The following EML1 variants were observed in gnomAD, a reference collection of about 807,000 sequenced individuals.
EML1 encodes echinoderm microtubule-associated protein-like 1.
A neutral mutation model predicts 110.4 loss-of-function variants in EML1; 27 were observed. The observed-to-expected ratio is 0.24, with a 90% CI of 0.18 to 0.34. The LOEUF (loss-of-function observed/expected upper bound fraction) is 0.34, where lower values mean the gene tolerates loss of function less well. Ranked by LOEUF, EML1 falls within the 10% of genes least tolerant of loss-of-function variation. The pLI is 1.00. For missense variants in EML1, 741 were observed against 1,030.9 expected (o/e 0.72, Z 3.85); for synonymous variants, 344 against 385.8 (o/e 0.89, Z 1.27).
intron 1 of EML1, among the ~76,000 whole-genome samples, chr14:99,752,371 G>T (rs534117591): frequency 1.5e-4 from 23 of 152,308 alleles, no homozygotes; most frequent in Admixed American, 6.5e-5. Context: ...CAGGGTCGCC[G>T]GGCGGAATGC....
Position 99,781,314 on chromosome 14 carries a change from C to G in EML1, c.-27+7301C>G, listed in dbSNP as rs1441324472. ...TTCCTGGCCAGCTCTAGCCCTAAGG[C>G]CCTGCCCTTGCTCATGGGGTGTGCC... On this transcript the variant is annotated intron_variant, in intron 1 of 22. Coordinates refer to the EML1 transcript ENST00000327921. The surrounding 1 kb of genome is among the most constrained non-coding windows in gnomAD (Gnocchi z 4.2). Among the ~76,000 whole-genome samples, 1 of 152,120 alleles carries G rather than the reference C, an allele frequency of 6.6e-6. No individual in the cohort carries two copies. Among genetic ancestry groups the G allele is most frequent in the Non-Finnish European group, 1.5e-5 (1 of 68,016 alleles).
chr14:99,793,126 A>T (rs1044588068), upstream of EML1, among the ~76,000 whole-genome samples: 3 of 148,434 alleles, frequency 2.0e-5, no homozygotes, highest in African/African-American at 7.3e-5. Flanking sequence ...GGCCAAGGGG[A>T]CAGCGGGCGG....
intron 2 of EML1, among the ~76,000 whole-genome samples, chr14:99,854,774 A>G (rs2058873826): frequency 6.6e-6 from 1 of 152,174 alleles, no homozygotes; most frequent in African/African-American, 2.4e-5. Context: ...AGCTTGGATT[A>G]CCATGTAGTG....
At chr14:99,802,152 G>A (rs2057893340) in intron 1 of EML1, among the ~76,000 whole-genome samples, 1 of 151,756 alleles carries the variant, frequency 6.6e-6, no homozygotes, top group South Asian at 2.1e-4. Flanking sequence ...GAGCCATTCG[G>A]GCCAGGGAAG....
intron 1 of EML1, 129 bp downstream of exon 1, chr14:99,793,672 G>A: frequency 1.5e-6 from 1 of 659,880 alleles, no homozygotes; most frequent in Non-Finnish European, 1.9e-6. Context: ...AAGTTGTTGC[G>A]GAGGGGCGCG....
At chr14:99,926,247 TAGA>T (rs985817583) in intron 17 of EML1, among the ~76,000 whole-genome samples, 4 of 151,972 alleles carry the variant, frequency 2.6e-5, no homozygotes, top group South Asian at 2.1e-4. Flanking sequence ...TGGCCACAGC[TAGA>T]AGAACTGCCC....
At chr14:99,864,821 A>G (rs916692268) in intron 2 of EML1, among the ~76,000 whole-genome samples, 16 of 151,870 alleles carry the variant, frequency 1.1e-4, no homozygotes, top group South Asian at 2.1e-4. Flanking sequence ...AAAAAAAAAA[A>G]AAAGAAAAGA....
chr14:99,857,507 T>C (rs932438899), intron 2 of EML1, among the ~76,000 whole-genome samples: 4 of 152,190 alleles, frequency 2.6e-5, no homozygotes, highest in African/African-American at 7.2e-5. Flanking sequence ...TGTAAAACCA[T>C]CACCACTATC....
chr14:99,748,678 A>C (rs1222482413), intron 1 of EML1, among the ~76,000 whole-genome samples: 1 of 152,204 alleles, frequency 6.6e-6, no homozygotes, highest in African/African-American at 2.4e-5. Context: ...AAGAAACTAA[A>C]AATAAATAAA....
intron 1 of EML1, among the ~76,000 whole-genome samples, chr14:99,796,682 A>AG (rs1307901079): frequency 6.6e-6 from 1 of 151,770 alleles, no homozygotes; most frequent in Non-Finnish European, 1.5e-5. Flanking sequence ...GCTGGGAAAA[A>AG]AAAAAAACCT....
At chr14:99,801,315 T>C (rs1171264729) in intron 1 of EML1, among the ~76,000 whole-genome samples, 1 of 152,084 alleles carries the variant, frequency 6.6e-6, no homozygotes, top group East Asian at 1.9e-4. Flanking sequence ...CCTGTAAACA[T>C]TAGATTCTCC....
chr14:99,743,454 T>G (rs1566845170), intron 1 of EML1, among the ~76,000 whole-genome samples: 9 of 152,114 alleles, frequency 5.9e-5, no homozygotes, highest in Admixed American at 5.9e-4. Context: ...TGTGGGATGT[T>G]GTTAGGCATG....
At chr14:99,857,973 G>T (rs536428619) in intron 2 of EML1, among the ~76,000 whole-genome samples, 2 of 152,242 alleles carry the variant, frequency 1.3e-5, no homozygotes, top group East Asian at 3.9e-4. Flanking sequence ...ATGGTACAAT[G>T]GACAGCCCCA....
Position 99,939,685 on chromosome 14 carries a change from C to T in EML1, c.2323-302C>T, listed in dbSNP as rs1474129603. On this transcript the variant is annotated intron_variant, in intron 21 of 21. Transcript: ENST00000262233. This position sits in a 1 kb window ranked among gnomAD's most constrained non-coding sequence, Gnocchi z 4.2. ...GACCCTGGAGACCCCTCACCCTCAGCCCCGGGCATCTGGTTAGGCCCACCT... is the reference window on the plus strand; with the variant it reads ...GACCCTGGAGACCCCTCACCCTCAGTCCCGGGCATCTGGTTAGGCCCACCT... 6.6e-6 allele frequency among the ~76,000 whole-genome samples: 1 copy of T among 152,162 alleles called. No homozygotes were observed. The highest frequency in any genetic ancestry group is 6.5e-5 in the Admixed American group (1 of 15,272).
At chr14:99,852,362 C>T (rs576938023) in intron 2 of EML1, among the ~76,000 whole-genome samples, 1 of 152,348 alleles carries the variant, frequency 6.6e-6, no homozygotes, top group South Asian at 2.1e-4. Flanking sequence ...CGCCTGTAAT[C>T]CCAGCACTTT....
Position 99,936,951 on chromosome 14 carries a change from A to G in EML1, c.2095+617A>G, listed in dbSNP as rs2060484907. ...GCCACGCAGGGCGGCGCGTGGGCACAAGGAAGGCCTCGCTGCTCCCCTGCT... is the reference window on the plus strand; with the variant it reads ...GCCACGCAGGGCGGCGCGTGGGCACGAGGAAGGCCTCGCTGCTCCCCTGCT... On this transcript the variant is annotated intron_variant, in intron 19 of 21. Coordinates refer to ENST00000262233, the MANE Select transcript of EML1 (RefSeq NM_004434.3). This position sits in a 1 kb window ranked among gnomAD's most constrained non-coding sequence, Gnocchi z 5.5. Among the ~76,000 whole-genome samples the G allele has an allele frequency of 2.6e-5, 4 of 152,328 alleles. No homozygotes were observed. The South Asian group carries it at 8.3e-4, about 32-fold the overall frequency.
chr14:99,872,414 A>G (rs1708050048), intron 3 of EML1, among the ~76,000 whole-genome samples: 1 of 152,188 alleles, frequency 6.6e-6, no homozygotes, highest in Non-Finnish European at 1.5e-5. Context: ...CTTAAATGGT[A>G]ACCCTCCTCC....
At chr14:99,749,363 A>T (rs1368261130) in intron 1 of EML1, among the ~76,000 whole-genome samples, 2 of 152,140 alleles carry the variant, frequency 1.3e-5, no homozygotes, top group African/African-American at 4.8e-5. Context: ...AGTGGTGTGA[A>T]GTGGTATCTC....
In EML1 at chr14:99,863,137, G is replaced by C. The variant is rs550855197; in HGVS notation, c.251-2377G>C. Among the ~76,000 whole-genome samples, 6 of 152,300 alleles carry C rather than the reference G, an allele frequency of 3.9e-5. No homozygotes were observed. In the South Asian group the frequency reaches 1.0e-3, roughly 26 times the overall value. ...TTTTATGTAATTGTTCCATCCTGAT[G>C]TTCCTGTGTAGTGGTTTCAGAATTG... On this transcript the variant is annotated intron_variant, in intron 2 of 21. Transcript: ENST00000262233.
Sources: gnomAD v4.1 joint callset for allele counts (sites outside exome capture counted in the v4.1 genomes callset) on GRCh38, gnomAD v4.1.1 for gene constraint, Gnocchi (gnomAD v3.1) non-coding constraint, MANE v1.5 for transcripts, NCBI Gene and HGNC (gene_info 2026-07-23, HGNC 2026-07-21) for gene names.